SDK1: variants seen among roughly 807,000 people sequenced by gnomAD.
SDK1 encodes sidekick cell adhesion molecule 1.
A neutral mutation model predicts 245.5 loss-of-function variants in SDK1; 157 were observed. That is an observed-to-expected ratio of 0.64 (90% CI 0.56 to 0.73). SDK1 has a LOEUF of 0.73. Ranked by LOEUF, SDK1 falls within the 30% of genes least tolerant of loss-of-function variation. SDK1 has a pLI of 0.00. For missense variants in SDK1, 3,583 were observed against 3,002.3 expected, an observed-to-expected ratio of 1.19 and a Z score of -4.52; for synonymous variants, 1,647 against 1,278.5, an observed-to-expected ratio of 1.29 and a Z score of -6.15.
chr7:3,329,591 T>G (rs1780018570), intron 1 of SDK1, among the ~76,000 whole-genome samples: 1 of 152,184 alleles, frequency 6.6e-6, no homozygotes, highest in African/African-American at 2.4e-5. Context: ...TAGATTTGCC[T>G]TTTCTGGACA....
intron 1 of SDK1, among the ~76,000 whole-genome samples, chr7:3,580,461 C>T (rs998252955): frequency 6.6e-6 from 1 of 152,068 alleles, no homozygotes; most frequent in African/African-American, 2.4e-5. Flanking sequence ...AACAATGGAA[C>T]AGAATAGAGT....
intron 1 of SDK1, among the ~76,000 whole-genome samples, chr7:3,399,712 C>A (rs1212977811): frequency 6.6e-6 from 1 of 152,050 alleles, no homozygotes; most frequent in East Asian, 1.9e-4. Flanking sequence ...GATGATTGGA[C>A]ACAAATCCCT....
At chr7:4,224,814 G>C (rs641930) in intron 40 of SDK1, among the ~76,000 whole-genome samples, 92,727 of 150,578 alleles carry the variant, frequency 0.62, 29,503 homozygotes, top group African/African-American at 0.74. Flanking sequence ...AACCCAGTCT[G>C]TACTACAAAT....
At chr7:3,978,316 AT>A (rs1162165719) in intron 13 of SDK1, among the ~76,000 whole-genome samples, 1 of 152,126 alleles carries the variant, frequency 6.6e-6, no homozygotes, top group African/African-American at 2.4e-5. Context: ...TGGTCTACTG[AT>A]TTACATGTCT....
chr7:3,779,248 A>G (rs750121940), intron 4 of SDK1, among the ~76,000 whole-genome samples: 2 of 152,188 alleles, frequency 1.3e-5, no homozygotes, highest in Non-Finnish European at 2.9e-5. Flanking sequence ...TGTCTCTCCT[A>G]CGCTTCAGAA....
chr7:4,170,692 G>A (rs928403872), intron 32 of SDK1, among the ~76,000 whole-genome samples: 1 of 152,144 alleles, frequency 6.6e-6, no homozygotes, highest in Non-Finnish European at 1.5e-5. Flanking sequence ...CCTAAAAGCT[G>A]CTCTGAATGT....
intron 1 of SDK1, among the ~76,000 whole-genome samples, chr7:3,595,666 C>T (rs983844352): frequency 2.0e-5 from 3 of 151,600 alleles, no homozygotes; most frequent in African/African-American, 7.3e-5. Flanking sequence ...GACTCTGCCA[C>T]TTCCTGCGTG....
At chr7:4,077,242 C>G in intron 21 of SDK1, 53 bp downstream of exon 21, 3 of 1,550,314 alleles carry the variant, frequency 1.9e-6, no homozygotes, top group Non-Finnish European at 2.6e-6. Context: ...TTGGAGATTC[C>G]CGAGGCTAGA....
intron 1 of SDK1, among the ~76,000 whole-genome samples, chr7:3,354,339 A>T (rs1780738618): frequency 6.6e-6 from 1 of 152,130 alleles, no homozygotes; most frequent in Admixed American, 6.5e-5. Flanking sequence ...GGAAAAAAAA[A>T]ACAGGGATAT....
In SDK1 at chr7:3,965,796, C is replaced by T. The variant is rs550029693; in HGVS notation, c.1430-1522C>T. On this transcript the variant is annotated intron_variant, in intron 9 of 44. Coordinates refer to ENST00000404826, the MANE Select transcript of SDK1 (RefSeq NM_152744.4). The stretch of plus-strand genomic sequence containing the variant: ...GGCCTCCCCCAGACAGTGTGGCTGC[C>T]GGGTGGGGCTTCTCTAGGAGAGATT... Among the ~76,000 whole-genome samples the T allele has an allele frequency of 7.2e-5, 11 of 152,084 alleles. No individual in the cohort carries two copies. In the South Asian group the frequency reaches 1.2e-3, roughly 17 times the overall value.
intron 1 of SDK1, among the ~76,000 whole-genome samples, chr7:3,582,665 C>T (rs1044384779): frequency 1.3e-4 from 17 of 129,664 alleles, no homozygotes; most frequent in Non-Finnish European, 2.5e-4. Flanking sequence ...CACATGTAGC[C>T]CTGAACCTAA....
intron 14 of SDK1, among the ~76,000 whole-genome samples, chr7:3,989,069 T>C (rs926560051): frequency 7.2e-5 from 11 of 152,234 alleles, no homozygotes; most frequent in African/African-American, 2.4e-4. Flanking sequence ...GTTTAACCTT[T>C]TAATACGTAA....
At chr7:3,756,345 A>G (rs990908712) in intron 4 of SDK1, among the ~76,000 whole-genome samples, 1 of 146,356 alleles carries the variant, frequency 6.8e-6, no homozygotes, top group African/African-American at 2.6e-5. Context: ...CATGCATACC[A>G]TTGATGTTTT....
At chr7:3,352,195 T>C (rs1780677931) in intron 1 of SDK1, among the ~76,000 whole-genome samples, 1 of 150,574 alleles carries the variant, frequency 6.6e-6, no homozygotes, top group Non-Finnish European at 1.5e-5. Flanking sequence ...TGGAAAAATC[T>C]GTCACTTAAA....
intron 11 of SDK1, among the ~76,000 whole-genome samples, chr7:3,970,672 G>A (rs1004354948): frequency 6.6e-6 from 1 of 152,192 alleles, no homozygotes; most frequent in Non-Finnish European, 1.5e-5. Flanking sequence ...GCCTGACTGG[G>A]ATAACGCTTT....
At chr7:3,627,499 G>A (rs1782157115) in intron 2 of SDK1, among the ~76,000 whole-genome samples, 2 of 152,182 alleles carry the variant, frequency 1.3e-5, no homozygotes, top group South Asian at 4.1e-4. Context: ...GTTTGATTAG[G>A]AAGAGTCACT....
chr7:3,403,846 T>TATATA (rs1554266444), intron 1 of SDK1, among the ~76,000 whole-genome samples: 2 of 106,904 alleles, frequency 1.9e-5, no homozygotes, highest in Non-Finnish European at 3.7e-5. Flanking sequence ...TATATATATA[T>TATATA]ATATATATAT....
intron 1 of SDK1, among the ~76,000 whole-genome samples, chr7:3,443,052 A>G (rs905164830): frequency 7.3e-6 from 1 of 137,756 alleles, no homozygotes; most frequent in Non-Finnish European, 1.6e-5. Context: ...CTGTAAAAAT[A>G]AAAATCTAAG....
At chr7:3,521,019 C>G (rs1310690036) in intron 1 of SDK1, among the ~76,000 whole-genome samples, 1 of 152,170 alleles carries the variant, frequency 6.6e-6, no homozygotes, top group East Asian at 1.9e-4. Flanking sequence ...TGTCTATGTT[C>G]CTTTCTGGAA....
Sources: gnomAD v4.1 joint callset for allele counts (sites outside exome capture counted in the v4.1 genomes callset) on GRCh38, gnomAD v4.1.1 for gene constraint, MANE v1.5 for transcripts, NCBI Gene and HGNC (gene_info 2026-07-23, HGNC 2026-07-21) for gene names.